The following MGAT4A variants were observed in gnomAD, a reference collection of about 807,000 sequenced individuals.
The protein encoded by MGAT4A is N-acetylglucosaminyltransferase IVa.
Under a neutral mutation model 74.1 loss-of-function variants are expected in MGAT4A, and 33 were observed. That is an observed-to-expected ratio of 0.45 (90% confidence interval 0.34 to 0.60). The LOEUF (loss-of-function observed/expected upper bound fraction) is 0.60, where lower values mean the gene tolerates loss of function less well. Among genes scored for constraint, MGAT4A ranks in the 20% least tolerant of loss-of-function variants. The probability of loss-of-function intolerance (pLI) is 0.02; values close to 1 mark genes in which losing one functional copy is unlikely to be tolerated. For missense variants in MGAT4A, 479 were observed against 628.3 expected (o/e 0.76, Z 2.54); for synonymous variants, 198 against 210.4 (o/e 0.94, Z 0.51).
At chr2:98,636,388 T>G in intron 13 of MGAT4A, 129 bp downstream of exon 13, 1 of 671,576 alleles carries the variant, frequency 1.5e-6, no homozygotes, top group Admixed American at 2.7e-5. Flanking sequence ...TCAAAAAAAA[T>G]TAATATTATT....
rs907930929 is a variant in MGAT4A, at chr2:98,707,256, G to C, written c.94+18983C>G. On this transcript the variant is annotated intron_variant, in intron 2 of 15. Coordinates refer to ENST00000393487, the MANE Select transcript of MGAT4A (RefSeq NM_012214.3). ...AAAAATCTGAGTAATAGGAATATAG[G>C]TGTTTCTGTATCATTTAGTATACTT... 2.0e-5 allele frequency among the ~76,000 whole-genome samples: 3 copies of C among 152,074 alleles called. No individual in the cohort carries two copies. The East Asian group carries it at 5.8e-4, about 29-fold the overall frequency.
At chr2:98,643,677 G>A (rs1701446275) in intron 10 of MGAT4A, among the ~76,000 whole-genome samples, 1 of 152,120 alleles carries the variant, frequency 6.6e-6, no homozygotes, top group Non-Finnish European at 1.5e-5. Context: ...AACCACCAGG[G>A]CTTACAAACA....
At chr2:98,702,863 C>A (rs1702371331) in intron 2 of MGAT4A, among the ~76,000 whole-genome samples, 1 of 152,196 alleles carries the variant, frequency 6.6e-6, no homozygotes, top group South Asian at 2.1e-4. Context: ...TTAGTCCAGT[C>A]CAGTTACTTA....
chr2:98,705,139 T>G (rs1702406236), intron 2 of MGAT4A, among the ~76,000 whole-genome samples: 2 of 152,150 alleles, frequency 1.3e-5, no homozygotes, highest in East Asian at 3.8e-4. Context: ...CACTGAAAGA[T>G]TACCTTTCAT....
intron 2 of MGAT4A, 27 bp from the exon 3 acceptor site, chr2:98,678,498 GTA>G (rs1559166932): frequency 6.9e-7 from 1 of 1,457,286 alleles, no homozygotes; most frequent in South Asian, 1.4e-5. Context: ...AACAGTTATA[GTA>G]TATGTCTTAA....
intron 8 of MGAT4A, among the ~76,000 whole-genome samples, chr2:98,649,851 A>T (rs755586713): frequency 1.3e-5 from 2 of 152,194 alleles, no homozygotes; most frequent in Non-Finnish European, 2.9e-5. Context: ...AAATGCCAAG[A>T]TCCCAACAAC....
At chr2:98,693,987 G>A (rs953300302) in intron 2 of MGAT4A, 39 of 152,966 alleles carry the variant, frequency 2.5e-4, no homozygotes, top group African/African-American at 8.9e-4. Context: ...TAAGCCTAAC[G>A]TAACAATAAT....
chr2:98,728,386 A>G (rs73962424), intron 1 of MGAT4A, among the ~76,000 whole-genome samples: 5,264 of 152,328 alleles, frequency 0.035, 282 homozygotes, highest in African/African-American at 0.12. Context: ...CTAAGATTGA[A>G]CTTATTCACC....
chr2:98,695,875 CTTCTT>C (rs1200209023), intron 2 of MGAT4A, among the ~76,000 whole-genome samples: 2 of 143,362 alleles, frequency 1.4e-5, no homozygotes, highest in South Asian at 2.2e-4. Flanking sequence ...TTCCACAGAA[CTTCTT>C]TTTTTTTTTT....
intron 4 of MGAT4A, among the ~76,000 whole-genome samples, chr2:98,670,012 A>T (rs2104280763): frequency 6.6e-6 from 1 of 152,358 alleles, no homozygotes; most frequent in South Asian, 2.1e-4. Flanking sequence ...AACATTTGTT[A>T]TCTCAATCAC....
At chr2:98,666,807 C>A (rs1257137340) in intron 4 of MGAT4A, among the ~76,000 whole-genome samples, 4 of 152,176 alleles carry the variant, frequency 2.6e-5, no homozygotes, top group African/African-American at 9.7e-5. Context: ...TGGTGATCCA[C>A]AGTGTGCAAA....
intron 2 of MGAT4A, among the ~76,000 whole-genome samples, chr2:98,716,979 G>A (rs1702601868): frequency 6.6e-6 from 1 of 152,148 alleles, no homozygotes; most frequent in Non-Finnish European, 1.5e-5. Flanking sequence ...ATCTGTGGTT[G>A]GCTGAATCTG....
intron 4 of MGAT4A, among the ~76,000 whole-genome samples, chr2:98,666,422 G>A (rs768751490): frequency 1.1e-4 from 17 of 152,216 alleles, no homozygotes; most frequent in Non-Finnish European, 2.1e-4. Flanking sequence ...GCCGGGTGTG[G>A]TGGCTGATGC....
chr2:98,670,005 A>G (rs948012827), intron 4 of MGAT4A, among the ~76,000 whole-genome samples: 4 of 152,156 alleles, frequency 2.6e-5, no homozygotes, highest in African/African-American at 9.7e-5. Flanking sequence ...ATAAATAAAC[A>G]TTTGTTATCT....
intron 2 of MGAT4A, among the ~76,000 whole-genome samples, chr2:98,702,771 C>A (rs948473999): frequency 1.3e-5 from 2 of 152,148 alleles, no homozygotes. Context: ...TCTAGGAAAC[C>A]AGGCTTAAAA....
Position 98,621,884 on chromosome 2 carries a change from G to A in MGAT4A, c.*3682C>T, listed in dbSNP as rs1701066096. 1.3e-5 allele frequency: 13 copies of A among 1,002,196 alleles called. No homozygotes were observed. The highest frequency in any genetic ancestry group is 1.5e-5 in the Non-Finnish European group (13 of 840,676). 62.1% of individuals were successfully genotyped at this position (1,002,196 alleles called of 1,614,324 possible). A position where few individuals can be genotyped will look rare whatever the true frequency, so the allele number is the denominator to read the frequency against. ...TATTGACTAGTGCAACCACTGATTT[G>A]AGAAGATACACACTTTGTTCAAGGG... On this transcript the variant is annotated 3_prime_UTR_variant, in exon 16 of 16. Transcript: ENST00000393487.
chr2:98,628,765 G>A (rs1000921914), intron 14 of MGAT4A, among the ~76,000 whole-genome samples: 2 of 152,162 alleles, frequency 1.3e-5, no homozygotes, highest in Non-Finnish European at 2.9e-5. Context: ...TGATGGATAA[G>A]TACTTGTAAT....
chr2:98,641,989 C>CT (rs1701418325), intron 10 of MGAT4A, among the ~76,000 whole-genome samples: 1 of 145,614 alleles, frequency 6.9e-6, no homozygotes, highest in East Asian at 2.0e-4. Flanking sequence ...GAGCAAAACT[C>CT]TGTCTCAAAA....
chr2:98,619,363 TATACA>T lies in MGAT4A; in HGVS notation c.*6198_*6202del, dbSNP rs1701011082. On this transcript the variant is annotated 3_prime_UTR_variant, in exon 16 of 16. Coordinates refer to ENST00000393487, the MANE Select transcript of MGAT4A (RefSeq NM_012214.3). ...CAATGAAGACATTTTAAGGAAAATA[TATACA>T]ATACATTTAAGAAAAAAAAAAATCT... is the stretch of plus-strand genomic sequence containing the variant. 1 of 152,206 alleles carries T rather than the reference TATACA, an allele frequency of 6.6e-6. No homozygotes were observed. Among genetic ancestry groups the T allele is most frequent in the Admixed American group, 6.6e-5 (1 of 15,260 alleles). 9.4% of individuals were successfully genotyped at this position (152,206 alleles called of 1,614,324 possible). A position where few individuals can be genotyped will look rare whatever the true frequency, so the allele number is the denominator to read the frequency against.
Sources: gnomAD v4.1 joint callset for allele counts (sites outside exome capture counted in the v4.1 genomes callset) on GRCh38, gnomAD v4.1.1 for gene constraint, MANE v1.5 for transcripts, NCBI Gene and HGNC (gene_info 2026-07-23, HGNC 2026-07-21) for gene names.